The following DMD variants were observed in gnomAD, a reference collection of about 807,000 sequenced individuals.
The protein encoded by DMD is mutant dystrophin.
DMD carries 63 observed loss-of-function variants against 330.1 expected under a neutral mutation model. The observed-to-expected ratio is 0.19, with a 90% CI of 0.16 to 0.24. The LOEUF is 0.24. DMD is among the 10% of genes least tolerant of loss of function. The pLI is 1.00. For synonymous variants in DMD, 1,223 were observed against 959.8 expected (o/e 1.27, Z -5.07); for missense variants, 3,344 against 2,684.1 (o/e 1.25, Z -5.43).
At chrX:32,174,707 G>A (rs1228992014) in intron 44 of DMD, among the ~76,000 whole-genome samples, 1 of 111,297 alleles carries the variant, frequency 9.0e-6, no homozygotes, top group Non-Finnish European at 1.9e-5. Flanking sequence ...TATTGCTCAC[G>A]TATATTTTAT....
intron 51 of DMD, among the ~76,000 whole-genome samples, chrX:31,732,349 G>A (rs2086571470): frequency 9.0e-6 from 1 of 111,131 alleles, no homozygotes; most frequent in Admixed American, 9.6e-5. Flanking sequence ...AGCAGAATGG[G>A]AATTTTCTCC....
chrX:32,740,674 G>A (rs753240744), intron 7 of DMD, among the ~76,000 whole-genome samples: 1 of 111,389 alleles, frequency 9.0e-6, no homozygotes, highest in Non-Finnish European at 1.9e-5. Flanking sequence ...ATCTTTTGGA[G>A]GGCATAAACT....
chrX:31,623,868 A>G (rs2078696268), intron 55 of DMD, among the ~76,000 whole-genome samples: 1 of 111,017 alleles, frequency 9.0e-6, no homozygotes, highest in Non-Finnish European at 1.9e-5. Context: ...AAAGGTCACC[A>G]CATACCCACA....
chrX:31,142,114 C>A (rs944924684), intron 76 of DMD, among the ~76,000 whole-genome samples: 3 of 111,835 alleles, frequency 2.7e-5, no homozygotes, highest in Non-Finnish European at 5.6e-5. Flanking sequence ...CATCACTGAT[C>A]CTGAATGTAA....
intron 7 of DMD, among the ~76,000 whole-genome samples, chrX:32,741,286 C>A (rs910389206): frequency 7.2e-5 from 8 of 111,339 alleles, no homozygotes; most frequent in Non-Finnish European, 1.9e-5. Context: ...ATTTCTAGGT[C>A]AAAAGTTTTC....
chrX:32,875,787 G>C (rs1015670415), intron 2 of DMD, among the ~76,000 whole-genome samples: 2 of 111,936 alleles, frequency 1.8e-5, no homozygotes, highest in Admixed American at 1.9e-4. Flanking sequence ...TCTGTGACCA[G>C]ACACTTTACA....
chrX:32,356,667 A>G (rs1480750907), intron 37 of DMD, among the ~76,000 whole-genome samples: 5 of 111,215 alleles, frequency 4.5e-5, no homozygotes, highest in Non-Finnish European at 7.5e-5. Flanking sequence ...CAGAATAAAT[A>G]ATTTAACATT....
chrX:31,863,396 T>G (rs1379875981), intron 48 of DMD, among the ~76,000 whole-genome samples: 1 of 112,353 alleles, frequency 8.9e-6, no homozygotes, highest in Non-Finnish European at 1.9e-5. Flanking sequence ...GGTAGGCACT[T>G]CATTCCAATT....
intron 47 of DMD, among the ~76,000 whole-genome samples, chrX:31,909,288 T>C (rs16989941): frequency 0.04 from 4,462 of 110,708 alleles, 217 homozygotes; most frequent in African/African-American, 0.14. Context: ...GCTGTAGAAG[T>C]GAGGTGTGAT....
At chrX:32,511,197 C>T (rs1207449600) in intron 18 of DMD, among the ~76,000 whole-genome samples, 1 of 110,230 alleles carries the variant, frequency 9.1e-6, no homozygotes, top group Non-Finnish European at 1.9e-5. Flanking sequence ...CAGACTTCAG[C>T]CTTCACTACT....
intron 44 of DMD, among the ~76,000 whole-genome samples, chrX:31,969,574 G>C (rs1402632500): frequency 9.0e-6 from 1 of 111,147 alleles, no homozygotes; most frequent in Non-Finnish European, 1.9e-5. Context: ...TGACACAATA[G>C]CAAGCTGACA....
At chrX:32,617,239 C>T (rs1275048196) in intron 11 of DMD, among the ~76,000 whole-genome samples, 6 of 110,823 alleles carry the variant, frequency 5.4e-5, no homozygotes, top group Non-Finnish European at 9.5e-5. Flanking sequence ...AGAAGATACT[C>T]GATCAATATG....
chrX:32,366,466 C>T (rs2097854927), intron 34 of DMD, among the ~76,000 whole-genome samples: 1 of 112,289 alleles, frequency 8.9e-6, no homozygotes, highest in African/African-American at 3.2e-5. Flanking sequence ...CAAAGCAAAA[C>T]AAAATCATTG....
rs189589323 is a variant in DMD, at chrX:33,227,376, T to C, written c.7+111883A>G. 6.3e-5 allele frequency among the ~76,000 whole-genome samples: 7 copies of C among 111,063 alleles called. No homozygotes were observed. In the East Asian group the frequency reaches 1.7e-3, roughly 27 times the overall value. On this transcript the variant is annotated intron_variant, in intron 1 of 17. Coordinates refer to the DMD transcript ENST00000288447. The stretch of plus-strand genomic sequence containing the variant: ...ACTCTGTTCTTAAAACCACCATTTT[T>C]TTCCATGGCAAGGCTAAGTTTTCAT...
At chrX:31,829,984 A>C (rs1336483136) in intron 49 of DMD, among the ~76,000 whole-genome samples, 5 of 112,484 alleles carry the variant, frequency 4.4e-5, no homozygotes, top group African/African-American at 1.6e-4. Context: ...ATATTCTCTC[A>C]GAAAAGAAAG....
chrX:32,116,716 C>T (rs1271256137), intron 44 of DMD, among the ~76,000 whole-genome samples: 1 of 112,313 alleles, frequency 8.9e-6, no homozygotes, highest in Non-Finnish European at 1.9e-5. Context: ...TAAAGAGTGA[C>T]TCCTGTCACC....
chrX:31,288,996 T>A (rs2053444935), intron 62 of DMD, among the ~76,000 whole-genome samples: 1 of 110,307 alleles, frequency 9.1e-6, no homozygotes, highest in African/African-American at 3.3e-5. Context: ...CATAAAATTT[T>A]AGTCTAGGTG....
chrX:32,548,315 AC>A (rs2049176734), intron 16 of DMD, among the ~76,000 whole-genome samples: 1 of 112,079 alleles, frequency 8.9e-6, no homozygotes, highest in Non-Finnish European at 1.9e-5. Flanking sequence ...ATAATTACAT[AC>A]ACCAAACATA....
intron 44 of DMD, among the ~76,000 whole-genome samples, chrX:32,024,260 G>A (rs764393655): frequency 3.3e-4 from 36 of 110,707 alleles, no homozygotes; most frequent in African/African-American, 1.1e-3. Flanking sequence ...CAAGGCGGGC[G>A]GACTGCCAGA....
Sources: allele counts gnomAD v4.1 joint callset (sites outside exome capture counted in the v4.1 genomes callset), GRCh38; gene constraint gnomAD v4.1.1; transcripts MANE v1.5; gene names NCBI Gene and HGNC (gene_info 2026-07-23, HGNC 2026-07-21).